Variants in VKORC1L1 observed in about 807,000 individuals in gnomAD.
The protein encoded by VKORC1L1 is vitamin K epoxide reductase complex subunit 1L1, also known as vitamin K epoxide reductase complex subunit 1-like protein 1.
Under a neutral mutation model 18.9 loss-of-function variants are expected in VKORC1L1, and 2 were observed. The ratio of observed to expected loss-of-function variants is 0.11; its 90% CI spans 0.04 to 0.33. The LOEUF is 0.33. VKORC1L1 is among the 10% of genes least tolerant of loss of function. VKORC1L1 has a pLI of 1.00. For missense variants in VKORC1L1, 123 were observed against 224.1 expected, an observed-to-expected ratio of 0.55 and a Z score of 2.88; for synonymous variants, 96 against 100.0, an observed-to-expected ratio of 0.96 and a Z score of 0.24.
intron 1 of VKORC1L1, among the ~76,000 whole-genome samples, chr7:65,908,855 T>A (rs367944976): frequency 5.0e-5 from 6 of 119,884 alleles, no homozygotes; most frequent in South Asian, 2.7e-4. Flanking sequence ...AAAAAAAAAA[T>A]TCCAATCCAT....
chr7:65,883,089 C>T (rs377699261), intron 1 of VKORC1L1, among the ~76,000 whole-genome samples: 15 of 148,844 alleles, frequency 1.0e-4, no homozygotes, highest in African/African-American at 2.5e-4. Flanking sequence ...AGTTGGTGTT[C>T]GTCAGAAGAA....
At chr7:65,886,462 T>A (rs1789012574) in intron 1 of VKORC1L1, among the ~76,000 whole-genome samples, 1 of 152,214 alleles carries the variant, frequency 6.6e-6, no homozygotes. Context: ...TACGCAATTG[T>A]TGTGAAAATG....
In VKORC1L1 at chr7:65,886,475, G is replaced by A. The variant is rs191243705; in HGVS notation, c.194+12910G>A. ...AATACGCAATTGTTGTGAAAATGTC[G>A]TACAATATTGCAGCATATAAAGAAG... is the stretch of plus-strand genomic sequence containing the variant. On this transcript the variant is annotated intron_variant, in intron 1 of 2. Transcript: ENST00000360768. 1.7e-3 allele frequency among the ~76,000 whole-genome samples: 254 copies of A among 152,106 alleles called. 1 individual carries two copies. Among genetic ancestry groups the A allele is most frequent in the African/African-American group, 5.8e-3 (241 of 41,528 alleles).
Position 65,910,071 on chromosome 7 carries a change from C to G in VKORC1L1, c.194+36506C>G, listed in dbSNP as rs114071124. Reference sequence around the variant, plus strand: ...TAAAAAGCCTGTTGCTTTCCTTCCTCGTAAGGAAGTATTAAGATAATTAAA... The same window carrying G: ...TAAAAAGCCTGTTGCTTTCCTTCCTGGTAAGGAAGTATTAAGATAATTAAA... On this transcript the variant is annotated intron_variant, in intron 1 of 2. Transcript: ENST00000360768. Among the ~76,000 whole-genome samples the G allele has an allele frequency of 4.1e-3, 619 of 152,034 alleles. 3 individuals are homozygous for G. The highest frequency in any genetic ancestry group is 0.014 in the African/African-American group (581 of 41,492).
At chr7:65,878,003 T>C (rs1166865600) in intron 1 of VKORC1L1, among the ~76,000 whole-genome samples, 1 of 152,184 alleles carries the variant, frequency 6.6e-6, no homozygotes, top group African/African-American at 2.4e-5. Flanking sequence ...TAAACCCGTG[T>C]TGTTCAAGGG....
chr7:65,915,502 C>G (rs139923564), intron 1 of VKORC1L1, among the ~76,000 whole-genome samples: 3,519 of 151,822 alleles, frequency 0.023, 61 homozygotes, highest in Non-Finnish European at 0.031. Flanking sequence ...CCTCCGCCTC[C>G]TGGGTTCAAG....
At chr7:65,905,434 C>G (rs1789391169) in intron 1 of VKORC1L1, among the ~76,000 whole-genome samples, 1 of 152,050 alleles carries the variant, frequency 6.6e-6, no homozygotes, top group South Asian at 2.1e-4. Context: ...CTCAGCCTCC[C>G]ACATAGCTGG....
In VKORC1L1 at chr7:65,895,446, T is replaced by C. The variant is rs781718898; in HGVS notation, c.194+21881T>C. On this transcript the variant is annotated intron_variant, in intron 1 of 2. Transcript: ENST00000360768. The stretch of plus-strand genomic sequence containing the variant: ...GCCTGGGCCATATAGTGAAATGCCA[T>C]CTGTGAGAAAAAAAAAAAAAAAAAA... Among the ~76,000 whole-genome samples the C allele has an allele frequency of 1.3e-3, 119 of 90,774 alleles. 1 individual carries two copies. The highest frequency in any genetic ancestry group is 8.8e-4 in the Non-Finnish European group (45 of 50,930). 59.6% of individuals were successfully genotyped at this position (90,774 alleles called of 152,430 possible).
At chr7:65,916,556 A>G (rs1052101189) in intron 1 of VKORC1L1, among the ~76,000 whole-genome samples, 1 of 151,944 alleles carries the variant, frequency 6.6e-6, no homozygotes, top group Admixed American at 6.6e-5. Context: ...ATCACAACCT[A>G]GATCTTATTG....
chr7:65,879,495 G>C lies in VKORC1L1; in HGVS notation c.194+5930G>C, dbSNP rs912246753. The stretch of plus-strand genomic sequence containing the variant: ...TGCATACATTATTGAAGTCTCTCAA[G>C]AGTCCCATGAGGCAGGTAGCTTTTA... On this transcript the variant is annotated intron_variant, in intron 1 of 2. Coordinates refer to ENST00000360768, the MANE Select transcript of VKORC1L1 (RefSeq NM_173517.6). Among the ~76,000 whole-genome samples, 7 of 152,188 alleles carry C rather than the reference G, an allele frequency of 4.6e-5. 1 individual carries two copies. The highest frequency in any genetic ancestry group is 4.1e-4 in the South Asian group (2 of 4,832).
At chr7:65,935,240 C>T (rs1370207365) in intron 1 of VKORC1L1, among the ~76,000 whole-genome samples, 1 of 151,982 alleles carries the variant, frequency 6.6e-6, no homozygotes, top group Non-Finnish European at 1.5e-5. Flanking sequence ...CTTGATCCCT[C>T]AAAGAGATCT....
At chr7:65,879,916 G>A (rs138805227) in intron 1 of VKORC1L1, among the ~76,000 whole-genome samples, 2,330 of 151,116 alleles carry the variant, frequency 0.015, 50 homozygotes, top group East Asian at 0.089. Context: ...CAGTGGTGCA[G>A]TCATGGCTCA....
At chr7:65,934,404 T>C (rs1465733572) in intron 1 of VKORC1L1, among the ~76,000 whole-genome samples, 1 of 152,212 alleles carries the variant, frequency 6.6e-6, no homozygotes, top group African/African-American at 2.4e-5. Context: ...CGAAATTTAT[T>C]CTCTTGGCAG....
At chr7:65,904,934 G>A (rs903100486) in intron 1 of VKORC1L1, among the ~76,000 whole-genome samples, 2 of 151,906 alleles carry the variant, frequency 1.3e-5, no homozygotes, top group South Asian at 2.1e-4. Context: ...GTGTATGTAT[G>A]TATATATGTA....
chr7:65,919,407 A>G (rs1789639646), intron 1 of VKORC1L1, among the ~76,000 whole-genome samples: 1 of 152,220 alleles, frequency 6.6e-6, no homozygotes, highest in East Asian at 1.9e-4. Context: ...AGGTAGTTCA[A>G]CTTGTGTCCA....
Position 65,946,563 on chromosome 7 carries a change from A to G in VKORC1L1, c.195-2108A>G, listed in dbSNP as rs186875704. Among the ~76,000 whole-genome samples, 197 of 152,248 alleles carry G rather than the reference A, an allele frequency of 1.3e-3. 2 individuals carry two copies. Among genetic ancestry groups the G allele is most frequent in the Non-Finnish European group, 1.4e-3 (98 of 68,016 alleles). On this transcript the variant is annotated intron_variant, in intron 1 of 2. Transcript: ENST00000360768. ...GACCCCAGAGTGATTGTGCTTTAAA[A>G]ATTTCAGAAGCACTGATCTAGAGTT...
chr7:65,878,670 C>T (rs1583819814), intron 1 of VKORC1L1, among the ~76,000 whole-genome samples: 1 of 151,980 alleles, frequency 6.6e-6, no homozygotes, highest in Non-Finnish European at 1.5e-5. Flanking sequence ...TTTGGGAGGC[C>T]GAGGTGGGCG....
At chr7:65,940,721 C>T (rs983436290) in intron 1 of VKORC1L1, among the ~76,000 whole-genome samples, 1 of 152,014 alleles carries the variant, frequency 6.6e-6, no homozygotes, top group African/African-American at 2.4e-5. Context: ...GTTCAGAAGA[C>T]CAATAATAGT....
At chr7:65,947,813 C>A (rs1449837833) in intron 1 of VKORC1L1, among the ~76,000 whole-genome samples, 6 of 151,974 alleles carry the variant, frequency 3.9e-5, no homozygotes, top group Admixed American at 3.9e-4. Context: ...GCCTTAGTCT[C>A]CCAACTAGCT....
Sources: gnomAD v4.1 joint callset for allele counts (sites outside exome capture counted in the v4.1 genomes callset) on GRCh38, gnomAD v4.1.1 for gene constraint, MANE v1.5 for transcripts, NCBI Gene and HGNC (gene_info 2026-07-23, HGNC 2026-07-21) for gene names.